Variants in NAV2 observed in about 807,000 individuals in gnomAD.
The protein encoded by NAV2 is neuron navigator 2, also known as helicase, APC down-regulated 1.
Under a neutral mutation model 223.2 loss-of-function variants are expected in NAV2, and 54 were observed. The observed-to-expected ratio is 0.24, with a 90% confidence interval of 0.19 to 0.30. The LOEUF is 0.30. NAV2 is among the 10% of genes least tolerant of loss of function. The pLI is 1.00. For missense variants in NAV2, 2,806 were observed against 3,147.5 expected, an observed-to-expected ratio of 0.89 and a Z score of 2.60; for synonymous variants, 1,279 against 1,239.3, an observed-to-expected ratio of 1.03 and a Z score of -0.67.
chr11:19,708,953 G>A (rs964969522), upstream of NAV2, among the ~76,000 whole-genome samples: 4 of 151,528 alleles, frequency 2.6e-5, no homozygotes, highest in Admixed American at 1.3e-4. Flanking sequence ...CCTGGATAGT[G>A]TATTCTTTCC....
intron 6 of NAV2, among the ~76,000 whole-genome samples, chr11:19,919,872 G>A (rs1011921066): frequency 5.9e-5 from 9 of 152,094 alleles, no homozygotes; most frequent in Admixed American, 1.3e-4. Flanking sequence ...GGTGGCTCAC[G>A]CCTGTAATCC....
chr11:19,798,872 A>T (rs771865415), intron 1 of NAV2, among the ~76,000 whole-genome samples: 1 of 152,184 alleles, frequency 6.6e-6, no homozygotes, highest in Non-Finnish European at 1.5e-5. Context: ...CTATGAATCT[A>T]TGGACTCTTG....
intron 1 of NAV2, among the ~76,000 whole-genome samples, chr11:19,674,807 T>A (rs1184810054): frequency 6.6e-6 from 1 of 152,196 alleles, no homozygotes; most frequent in African/African-American, 2.4e-5. Context: ...GTACTCCCTG[T>A]CCACAGTAAG....
At chr11:19,600,653 T>G (rs1050778106) in intron 1 of NAV2, among the ~76,000 whole-genome samples, 2 of 152,222 alleles carry the variant, frequency 1.3e-5, no homozygotes, top group Admixed American at 1.3e-4. Context: ...TTAGCTTCCT[T>G]GAGCCTCAAT....
At chr11:20,017,270 A>G (rs552381434) in intron 11 of NAV2, among the ~76,000 whole-genome samples, 1 of 152,278 alleles carries the variant, frequency 6.6e-6, no homozygotes, top group Admixed American at 6.5e-5. Context: ...ACTAAGCTTC[A>G]AACATAGTAA....
At chr11:19,699,445 C>G (rs2403529) in intron 1 of NAV2, among the ~76,000 whole-genome samples, 133,687 of 151,642 alleles carry the variant, frequency 0.88, 59,248 homozygotes, top group Middle Eastern at 0.98. Flanking sequence ...CTGGTATCCC[C>G]TTGATTTTAC....
Position 19,628,330 on chromosome 11 carries a change from G to T in NAV2, c.76-204154G>T, listed in dbSNP as rs139828800. On this transcript the variant is annotated intron_variant, in intron 1 of 37. Coordinates refer to the NAV2 transcript ENST00000360655. ...AGCACACCCAGGAACATCCACTCCC[G>T]CTTCCCCACTGCCCAGAGCCAAGCG... 2.5e-3 allele frequency among the ~76,000 whole-genome samples: 379 copies of T among 152,310 alleles called. 2 individuals carry two copies. The highest frequency in any genetic ancestry group is 4.4e-3 in the Non-Finnish European group (299 of 68,026).
At chr11:19,396,058 A>T (rs1849433405) in intron 1 of NAV2, among the ~76,000 whole-genome samples, 1 of 152,202 alleles carries the variant, frequency 6.6e-6, no homozygotes. Context: ...GTGAGCATTC[A>T]CTGGGATAAT....
chr11:19,948,581 T>C, intron 9 of NAV2, 110 bp from the exon 10 acceptor site: 1 of 1,238,818 alleles, frequency 8.1e-7, no homozygotes. Flanking sequence ...GGCTGTTTTA[T>C]CCTATTTTAT....
chr11:19,708,916 G>GA (rs969355405), upstream of NAV2, among the ~76,000 whole-genome samples: 2 of 146,166 alleles, frequency 1.4e-5, no homozygotes, highest in African/African-American at 5.0e-5. Flanking sequence ...AAAAAAAAAA[G>GA]AAAAAAAGAA....
intron 1 of NAV2, among the ~76,000 whole-genome samples, chr11:19,688,923 G>GA (rs945531462): frequency 6.6e-6 from 1 of 152,032 alleles, no homozygotes; most frequent in Non-Finnish European, 1.5e-5. Flanking sequence ...CAATTTGGAT[G>GA]AAAAAAATCA....
In NAV2 at chr11:19,998,844, CTG is replaced by C. The variant is rs2052234033; in HGVS notation, c.2768+14599_2768+14600del. Among the ~76,000 whole-genome samples the C allele has an allele frequency of 6.6e-6, 1 of 152,130 alleles. No individual in the cohort carries two copies. Among genetic ancestry groups the C allele is most frequent in the African/African-American group, 2.4e-5 (1 of 41,418 alleles). On this transcript the variant is annotated intron_variant, in intron 11 of 37. Transcript: ENST00000349880. This position sits in a 1 kb window ranked among gnomAD's most constrained non-coding sequence, Gnocchi z 5.0. Reference sequence around the variant, plus strand: ...TCAGCTGTTGGTTTCTTTTTGGAAACTGTTTATTTGACATCTCTTACTTTCAT... The same window carrying C: ...TCAGCTGTTGGTTTCTTTTTGGAAACTTTATTTGACATCTCTTACTTTCAT...
intron 10 of NAV2, among the ~76,000 whole-genome samples, chr11:19,950,744 G>C (rs2047326072): frequency 6.6e-6 from 1 of 152,146 alleles, no homozygotes; most frequent in African/African-American, 2.4e-5. Flanking sequence ...CTCACAAAAG[G>C]CAGATTCATT....
chr11:19,782,727 C>T (rs966780533), intron 1 of NAV2, among the ~76,000 whole-genome samples: 1 of 152,038 alleles, frequency 6.6e-6, no homozygotes, highest in African/African-American at 2.4e-5. Flanking sequence ...GAGATTGTTA[C>T]AGAAATGCTG....
intron 6 of NAV2, among the ~76,000 whole-genome samples, chr11:19,922,990 T>G (rs1014756211): frequency 6.6e-6 from 1 of 152,218 alleles, no homozygotes; most frequent in Non-Finnish European, 1.5e-5. Flanking sequence ...TACTTCCTAT[T>G]TTCATGTAGC....
intron 1 of NAV2, among the ~76,000 whole-genome samples, chr11:19,659,042 TTAAA>T (rs1195420922): frequency 6.6e-6 from 1 of 152,110 alleles, no homozygotes; most frequent in East Asian, 1.9e-4. Flanking sequence ...CTTCAGTGAG[TTAAA>T]TAGACATATT....
intron 1 of NAV2, among the ~76,000 whole-genome samples, chr11:19,776,631 A>AGTGTGTGTGTGTGTGTGTGTGT (rs1565295867): frequency 8.8e-5 from 2 of 22,700 alleles, no homozygotes; most frequent in Non-Finnish European, 3.3e-4. Context: ...GGGGTCAGAA[A>AGTGTGTGTGTGTGTGTGTGTGT]ATGTGTGTGT....
At chr11:19,709,413 G>C (rs1308154563), upstream of NAV2, among the ~76,000 whole-genome samples, 1 of 151,738 alleles carries the variant, frequency 6.6e-6, no homozygotes, top group African/African-American at 2.4e-5. Context: ...ATGGTGGCGG[G>C]TGCCTGTAGT....
intron 1 of NAV2, among the ~76,000 whole-genome samples, chr11:19,498,174 A>T (rs964668721): frequency 6.6e-6 from 1 of 152,050 alleles, no homozygotes; most frequent in African/African-American, 2.4e-5. Flanking sequence ...ATCCCTATTC[A>T]CCATGTGGCT....
Sources: gnomAD v4.1 joint callset for allele counts (sites outside exome capture counted in the v4.1 genomes callset) on GRCh38, gnomAD v4.1.1 for gene constraint, Gnocchi (gnomAD v3.1) non-coding constraint, MANE v1.5 for transcripts, NCBI Gene and HGNC (gene_info 2026-07-23, HGNC 2026-07-21) for gene names.